Variants in TAFA2 observed in about 807,000 individuals in gnomAD.
TAFA2 encodes the protein chemokine-like protein TAFA-2.
In TAFA2, 7 loss-of-function variants were observed where a neutral mutation model predicts 18.8. The observed-to-expected ratio is 0.37, with a 90% CI of 0.21 to 0.70. TAFA2 has a LOEUF of 0.70. TAFA2 is among the 30% of genes least tolerant of loss of function. The pLI is 0.53. For synonymous variants in TAFA2, 60 were observed against 54.2 expected, an observed-to-expected ratio of 1.11 and a Z score of -0.47; for missense variants, 122 against 158.1, an observed-to-expected ratio of 0.77 and a Z score of 1.23.
chr12:61,884,507 A>G (rs1280448256), intron 1 of TAFA2, among the ~76,000 whole-genome samples: 1 of 152,172 alleles, frequency 6.6e-6, no homozygotes, highest in Non-Finnish European at 1.5e-5. Flanking sequence ...TTAGTAGGAC[A>G]CCGGTGAATG....
chr12:62,042,946 A>G (rs184279412), intron 1 of TAFA2, among the ~76,000 whole-genome samples: 2 of 152,232 alleles, frequency 1.3e-5, no homozygotes, highest in Non-Finnish European at 2.9e-5. Context: ...TCAGAACTTA[A>G]TAATTTCTAA....
upstream of TAFA2, among the ~76,000 whole-genome samples, chr12:62,194,781 G>A (rs76530509): frequency 5.8e-3 from 878 of 152,188 alleles, 4 homozygotes; most frequent in Middle Eastern, 0.017. Flanking sequence ...CAAAAATGTT[G>A]CAGGTTTGGT....
chr12:61,753,450 T>C (rs1869113252), intron 4 of TAFA2, among the ~76,000 whole-genome samples, 172 bp downstream of exon 4: 1 of 151,898 alleles, frequency 6.6e-6, no homozygotes, highest in African/African-American at 2.4e-5. Flanking sequence ...TTGTTCTGAG[T>C]GAAATAAAAA....
chr12:61,888,286 A>C (rs926329882), intron 1 of TAFA2, among the ~76,000 whole-genome samples: 2 of 152,236 alleles, frequency 1.3e-5, no homozygotes, highest in Non-Finnish European at 2.9e-5. Flanking sequence ...AGTGTAGCCT[A>C]CACAATGGTC....
intron 4 of TAFA2, among the ~76,000 whole-genome samples, chr12:61,736,324 G>C (rs1018940465): frequency 4.6e-5 from 7 of 151,904 alleles, no homozygotes; most frequent in African/African-American, 1.7e-4. Context: ...CTTATATTTT[G>C]TTAAGTTCTT....
chr12:62,092,201 T>C (rs368642473), intron 1 of TAFA2, among the ~76,000 whole-genome samples: 2 of 151,936 alleles, frequency 1.3e-5, no homozygotes, highest in South Asian at 2.1e-4. Context: ...CCACTGGCTC[T>C]TACAGGAACA....
intron 2 of TAFA2, among the ~76,000 whole-genome samples, chr12:61,857,530 A>G (rs941894891): frequency 6.6e-6 from 1 of 152,216 alleles, no homozygotes; most frequent in African/African-American, 2.4e-5. Flanking sequence ...TTAGCTTTCT[A>G]TATCCCTCTC....
intron 1 of TAFA2, among the ~76,000 whole-genome samples, chr12:62,036,073 A>G (rs1881604130): frequency 6.6e-6 from 1 of 151,886 alleles, no homozygotes; most frequent in African/African-American, 2.4e-5. Flanking sequence ...TGTCCTGAAT[A>G]CTGTAGCAGG....
At chr12:62,132,083 A>G (rs2136895553) in intron 1 of TAFA2, among the ~76,000 whole-genome samples, 1 of 152,032 alleles carries the variant, frequency 6.6e-6, no homozygotes, top group Admixed American at 6.6e-5. Context: ...AAAAAAAAAA[A>G]AAGAATTTAA....
intron 1 of TAFA2, among the ~76,000 whole-genome samples, chr12:62,153,847 A>C (rs904681121): frequency 2.0e-5 from 3 of 152,162 alleles, no homozygotes; most frequent in African/African-American, 7.2e-5. Context: ...CTATATATTT[A>C]GAGATGGAAG....
intron 4 of TAFA2, among the ~76,000 whole-genome samples, chr12:61,731,641 T>G (rs1870455287): frequency 6.6e-6 from 1 of 152,126 alleles, no homozygotes; most frequent in Non-Finnish European, 1.5e-5. Context: ...TGTTCTTTTG[T>G]AAAACCCCGA....
At chr12:61,915,675 T>A (rs1224291937) in intron 1 of TAFA2, among the ~76,000 whole-genome samples, 1 of 152,168 alleles carries the variant, frequency 6.6e-6, no homozygotes, top group African/African-American at 2.4e-5. Flanking sequence ...GTCTGAGAAC[T>A]GTGAGAGGGG....
chr12:61,873,379 C>A (rs1592451322), intron 1 of TAFA2, among the ~76,000 whole-genome samples: 1 of 151,566 alleles, frequency 6.6e-6, no homozygotes. Context: ...TATACATGTG[C>A]CATGCTGGTG....
intron 1 of TAFA2, among the ~76,000 whole-genome samples, chr12:62,245,798 G>A (rs2062882795): frequency 6.8e-6 from 1 of 147,760 alleles, no homozygotes; most frequent in Non-Finnish European, 1.5e-5. Context: ...GATCAGATTT[G>A]GGGTTTTTTG....
chr12:62,246,593 C>T (rs1043409163), intron 1 of TAFA2, among the ~76,000 whole-genome samples: 1 of 152,244 alleles, frequency 6.6e-6, no homozygotes, highest in Non-Finnish European at 1.5e-5. Flanking sequence ...AACAGTTTGT[C>T]ACTTTCTACT....
chr12:61,741,874 GA>G (rs1868469030), intron 4 of TAFA2, among the ~76,000 whole-genome samples: 1 of 152,068 alleles, frequency 6.6e-6, no homozygotes, highest in Non-Finnish European at 1.5e-5. Flanking sequence ...CCTTTAAACA[GA>G]GTTTGTTAAT....
At chr12:61,976,926 A>G (rs7297119) in intron 1 of TAFA2, among the ~76,000 whole-genome samples, 17,191 of 151,978 alleles carry the variant, frequency 0.11, 1,019 homozygotes, top group East Asian at 0.22. Flanking sequence ...TCTATCATTG[A>G]TGGACATTTG....
intron 1 of TAFA2, among the ~76,000 whole-genome samples, chr12:62,164,482 G>A (rs747926081): frequency 2.0e-5 from 3 of 152,036 alleles, no homozygotes; most frequent in South Asian, 4.1e-4. Context: ...GCTACTTCCC[G>A]TGGGCATTTC....
chr12:61,769,363 G>T (rs1191507853), intron 2 of TAFA2, among the ~76,000 whole-genome samples: 1 of 151,812 alleles, frequency 6.6e-6, no homozygotes, highest in Non-Finnish European at 1.5e-5. Flanking sequence ...GTGCAAGCCT[G>T]TAACCTCCCT....
Sources: gnomAD v4.1 joint callset for allele counts (sites outside exome capture counted in the v4.1 genomes callset) on GRCh38, gnomAD v4.1.1 for gene constraint, MANE v1.5 for transcripts, NCBI Gene and HGNC (gene_info 2026-07-23, HGNC 2026-07-21) for gene names.